Variants in COL6A5 observed in about 807,000 individuals in gnomAD.
COL6A5 encodes collagen alpha-5(VI) chain.
COL6A5 carries 48 observed loss-of-function variants against 65.6 expected under a neutral mutation model. That is an observed-to-expected ratio of 0.73 (90% CI 0.58 to 0.93). COL6A5 has a LOEUF of 0.93. COL6A5 is among the 40% of genes least tolerant of loss of function. COL6A5 has a pLI of 0.00. For missense variants in COL6A5, 914 were observed against 928.3 expected (o/e 0.98, Z 0.20); for synonymous variants, 291 against 322.8 (o/e 0.90, Z 1.05).
intron 20 of COL6A5, 31 bp from the exon 21 acceptor site, chr3:130,413,514 A>T (rs748438368): frequency 6.5e-7 from 1 of 1,542,982 alleles, no homozygotes. Flanking sequence ...TCAGACATCC[A>T]CATACTAACA....
chr3:130,452,829 T>G (rs557799388), intron 4 of COL6A5, among the ~76,000 whole-genome samples: 8 of 152,240 alleles, frequency 5.3e-5, no homozygotes, highest in South Asian at 2.1e-4. Flanking sequence ...GACCATAGAA[T>G]ACGGCCACAC....
At chr3:130,353,403 G>T (rs990429910) in intron 1 of COL6A5, among the ~76,000 whole-genome samples, 4 of 152,156 alleles carry the variant, frequency 2.6e-5, no homozygotes, top group Non-Finnish European at 1.5e-5. Context: ...AATTGTTTCA[G>T]TCAACAAAAC....
intron 22 of COL6A5, 95 bp from the exon 23 acceptor site, chr3:130,415,550 G>A (rs2107678894): frequency 8.7e-7 from 1 of 1,149,264 alleles, no homozygotes. Flanking sequence ...GGAAGGGCTG[G>A]ACCATTGCTT....
chr3:130,381,786 C>G (rs1318475407), intron 4 of COL6A5, among the ~76,000 whole-genome samples: 5 of 152,018 alleles, frequency 3.3e-5, no homozygotes, highest in Non-Finnish European at 1.5e-5. Flanking sequence ...TGAACTCAGA[C>G]CAGCTTCAAT....
intron 7 of COL6A5, among the ~76,000 whole-genome samples, chr3:130,482,225 A>C (rs1710265914): frequency 6.6e-6 from 1 of 152,188 alleles, no homozygotes; most frequent in Non-Finnish European, 1.5e-5. Flanking sequence ...TTTTTGTATA[A>C]AGTATAAGGA....
chr3:130,449,790 A>G (rs943287825), intron 4 of COL6A5, among the ~76,000 whole-genome samples: 1 of 152,118 alleles, frequency 6.6e-6, no homozygotes, highest in African/African-American at 2.4e-5. Flanking sequence ...TGAGCAATTG[A>G]CTCACCGGCC....
intron 4 of COL6A5, among the ~76,000 whole-genome samples, chr3:130,380,377 A>T (rs1292511062): frequency 1.3e-5 from 2 of 152,076 alleles, no homozygotes; most frequent in Admixed American, 6.6e-5. Context: ...TTCAGATAAA[A>T]CCATTAATAC....
chr3:130,468,632 T>C (rs562547193), intron 5 of COL6A5, among the ~76,000 whole-genome samples, 163 bp from the exon 38 acceptor site: 2 of 152,034 alleles, frequency 1.3e-5, no homozygotes, highest in African/African-American at 2.4e-5. Flanking sequence ...GGGTACAGAT[T>C]TGGAGGGTGC....
At chr3:130,395,518 T>A in intron 8 of COL6A5, 53 bp downstream of exon 8, 1 of 1,342,420 alleles carries the variant, frequency 7.4e-7, no homozygotes. Context: ...TTTCTCCATT[T>A]CCCAAGAGTG....
At chr3:130,376,181 T>C in intron 2 of COL6A5, 56 bp from the exon 3 acceptor site, 2 of 1,502,406 alleles carry the variant, frequency 1.3e-6, no homozygotes, top group East Asian at 4.6e-5. Flanking sequence ...TATTGTGGTC[T>C]AAAATACAAA....
At chr3:130,373,950 A>G (rs552878104) in intron 2 of COL6A5, among the ~76,000 whole-genome samples, 1 of 152,182 alleles carries the variant, frequency 6.6e-6, no homozygotes, top group Non-Finnish European at 1.5e-5. Flanking sequence ...CAATCTCAAT[A>G]TTACATGTCT....
chr3:130,414,908 T>A (rs1314077367), intron 22 of COL6A5, among the ~76,000 whole-genome samples: 1 of 152,112 alleles, frequency 6.6e-6, no homozygotes, highest in Non-Finnish European at 1.5e-5. Flanking sequence ...TGAACCAAGC[T>A]ATGAGCTAGC....
intron 4 of COL6A5, among the ~76,000 whole-genome samples, chr3:130,454,011 A>C (rs1486384082): frequency 6.6e-6 from 1 of 152,182 alleles, no homozygotes; most frequent in Non-Finnish European, 1.5e-5. Context: ...AAAGTCATTT[A>C]CAAGGAAAAC....
chr3:130,462,736 A>T (rs533181966), intron 5 of COL6A5, among the ~76,000 whole-genome samples: 1 of 152,228 alleles, frequency 6.6e-6, no homozygotes, highest in African/African-American at 2.4e-5. Flanking sequence ...AATTGCATTT[A>T]GTTCGTATAT....
chr3:130,484,728 A>C (rs1303424627), exon 8 of COL6A5: 2 of 398,736 alleles, frequency 5.0e-6, no homozygotes. Context: ...GTGTATACTG[A>C]ATTTTTGCAG....
chr3:130,401,322 G>A lies in COL6A5; in HGVS notation c.4134+149G>A, dbSNP rs566414491. ...ATATAAAAAAGTGTGGAAGACCATA[G>A]CATAGTATTTTGTTTTTGCATGTTC... On this transcript the variant is annotated intron_variant and NMD_transcript_variant, in intron 11 of 41. Coordinates refer to the COL6A5 transcript ENST00000312481. 24 of 693,224 alleles carry A rather than the reference G, an allele frequency of 3.5e-5. No individual in the cohort carries two copies. The South Asian group carries it at 3.9e-4, about 11-fold the overall frequency. 42.9% of individuals were successfully genotyped at this position (693,224 alleles called of 1,614,324 possible).
At chr3:130,439,125 A>G (rs1331763126) in intron 1 of COL6A5, among the ~76,000 whole-genome samples, 2 of 152,180 alleles carry the variant, frequency 1.3e-5, no homozygotes, top group African/African-American at 4.8e-5. Flanking sequence ...CCAACTTCAA[A>G]AGCTGGCATG....
intron 20 of COL6A5, among the ~76,000 whole-genome samples, chr3:130,411,014 G>A (rs530102506): frequency 7.2e-5 from 11 of 152,176 alleles, no homozygotes; most frequent in East Asian, 3.9e-4. Flanking sequence ...ATATACTTTC[G>A]CTTTACATGT....
chr3:130,391,709 G>A (rs1936409872), exon 7 of COL6A5: 1 of 1,551,400 alleles, frequency 6.4e-7, no homozygotes, highest in Admixed American at 2.0e-5. Flanking sequence ...ACTGAAAGAT[G>A]TTTTCACACT....
Sources: allele counts gnomAD v4.1 joint callset (sites outside exome capture counted in the v4.1 genomes callset), GRCh38; gene constraint gnomAD v4.1.1; transcripts MANE v1.5; gene names NCBI Gene and HGNC (gene_info 2026-07-23, HGNC 2026-07-21).